Variants in PALMD observed in about 807,000 individuals in gnomAD.
PALMD encodes palmdelphin, also known as paralemmin-like protein.
PALMD carries 42 observed loss-of-function variants against 56.2 expected under a neutral mutation model. The ratio of observed to expected loss-of-function variants is 0.75; its 90% CI spans 0.58 to 0.97. PALMD has a LOEUF of 0.97. PALMD is among the 50% of genes least tolerant of loss of function. The pLI, the probability that PALMD is intolerant of heterozygous loss-of-function variation, is 0.00. For missense variants in PALMD, 660 were observed against 643.8 expected (o/e 1.03, Z -0.27); for synonymous variants, 242 against 222.9 (o/e 1.09, Z -0.76).
chr1:99,680,932 A>T (rs1486946753), intron 3 of PALMD, among the ~76,000 whole-genome samples: 1 of 151,994 alleles, frequency 6.6e-6, no homozygotes, highest in East Asian at 1.9e-4. Flanking sequence ...CCAAGACAAA[A>T]AATTGCATGT....
chr1:99,676,040 G>A (rs373696708), intron 3 of PALMD, among the ~76,000 whole-genome samples: 5 of 152,290 alleles, frequency 3.3e-5, no homozygotes, highest in South Asian at 2.1e-4. Context: ...TTGTTTTAAT[G>A]TCATTGTTCC....
At chr1:99,692,799 C>T (rs1471766870) in intron 7 of PALMD, among the ~76,000 whole-genome samples, 1 of 152,160 alleles carries the variant, frequency 6.6e-6, no homozygotes, top group Non-Finnish European at 1.5e-5. Context: ...TGCCTTCTGC[C>T]TTCTGTTCAC....
intron 3 of PALMD, among the ~76,000 whole-genome samples, chr1:99,683,090 GAAAGAAAGAAAGAAAGAA>G (rs1426071841): frequency 2.6e-3 from 84 of 32,362 alleles, no homozygotes; most frequent in South Asian, 5.0e-3. Flanking sequence ...GAGAGAGAGA[GAAAGAAAGAAAGAAAGAA>G]AGAAAGAAAG....
chr1:99,693,197 T>C (rs1370067123), intron 7 of PALMD, among the ~76,000 whole-genome samples: 2 of 152,198 alleles, frequency 1.3e-5, no homozygotes, highest in Admixed American at 1.3e-4. Context: ...TAGCTTGTTC[T>C]TGGGCCATAT....
At chr1:99,660,141 G>A (rs1373065353) in intron 1 of PALMD, among the ~76,000 whole-genome samples, 1 of 152,222 alleles carries the variant, frequency 6.6e-6, no homozygotes, top group Admixed American at 6.5e-5. Flanking sequence ...CTAAAAATGT[G>A]CTCCCTGCTA....
At chr1:99,661,589 G>A (rs1166486987) in intron 1 of PALMD, among the ~76,000 whole-genome samples, 1 of 152,202 alleles carries the variant, frequency 6.6e-6, no homozygotes, top group African/African-American at 2.4e-5. Flanking sequence ...CACAGAGCTA[G>A]TAAGTGGAGG....
At chr1:99,688,615 G>T (rs114717474) in intron 6 of PALMD, among the ~76,000 whole-genome samples, 160 bp from the exon 7 acceptor site, 12 of 152,002 alleles carry the variant, frequency 7.9e-5, no homozygotes, top group Non-Finnish European at 2.9e-5. Flanking sequence ...AGTTGGTCAT[G>T]ATATCATTAA....
intron 2 of PALMD, among the ~76,000 whole-genome samples, chr1:99,662,753 A>T (rs1652874023): frequency 6.6e-6 from 1 of 152,186 alleles, no homozygotes; most frequent in Non-Finnish European, 1.5e-5. Context: ...GCCTTTTGAA[A>T]TCAATGAAAG....
In PALMD at chr1:99,688,801, G is replaced by A. The variant is rs761785531; in HGVS notation, c.541G>A (p.Glu181Lys). 6.3e-7 allele frequency: 1 copy of A among 1,599,754 alleles called. No individual in the cohort carries two copies. The change falls in exon 7 of 8, where the codon GAA becomes AAA. Residue 181 changes from glutamate to lysine, a missense_variant. Glu to Lys is a moderately conservative substitution (Grantham distance 56). Coordinates refer to ENST00000263174, the MANE Select transcript of PALMD (RefSeq NM_017734.5). ...TTTATATGCCATGGAAATTAAAGTT[G>A]AAAAAGACTTGAAGACTGGAGAAAG... ...KALYAMEIKV[E>K]KDLKTGESTV...
Position 99,649,076 on chromosome 1 carries a change from G to A in PALMD, c.45+2714G>A, listed in dbSNP as rs560196875. Among the ~76,000 whole-genome samples the A allele has an allele frequency of 3.9e-5, 6 of 152,236 alleles. No individual in the cohort carries two copies. The East Asian group carries it at 9.6e-4, about 24-fold the overall frequency. The stretch of plus-strand genomic sequence containing the variant: ...AATAAGAGCAAAATTATGAAAGTAT[G>A]CAGAAACAATTGTTCAAGGGTAGAT... On this transcript the variant is annotated intron_variant, in intron 1 of 7. Transcript: ENST00000263174.
At chr1:99,677,547 C>T (rs777415672) in intron 3 of PALMD, among the ~76,000 whole-genome samples, 14 of 152,142 alleles carry the variant, frequency 9.2e-5, no homozygotes, top group East Asian at 1.9e-4. Context: ...AGCTCACTAC[C>T]TCATCTGCAT....
At chr1:99,682,735 CG>C (rs1653370264) in intron 3 of PALMD, among the ~76,000 whole-genome samples, 1 of 151,782 alleles carries the variant, frequency 6.6e-6, no homozygotes, top group African/African-American at 2.4e-5. Flanking sequence ...CTGAAGTCAT[CG>C]GGCTCATGCC....
intron 3 of PALMD, among the ~76,000 whole-genome samples, chr1:99,679,508 T>C (rs1447793739): frequency 6.6e-6 from 1 of 152,136 alleles, no homozygotes; most frequent in African/African-American, 2.4e-5. Context: ...ACTAACCCAC[T>C]GAGCAGAAAA....
intron 2 of PALMD, among the ~76,000 whole-genome samples, chr1:99,662,788 G>A (rs1452889023): frequency 6.6e-6 from 1 of 152,168 alleles, no homozygotes; most frequent in Non-Finnish European, 1.5e-5. Flanking sequence ...CGGGGGTGCA[G>A]AACAGTGTCT....
intron 2 of PALMD, chr1:99,667,433 T>C (rs1652990678): frequency 3.8e-6 from 2 of 528,262 alleles, no homozygotes; most frequent in East Asian, 3.2e-5. Context: ...GAAGTATAAA[T>C]GGGATTTAGA....
Position 99,688,807 on chromosome 1 carries a change from G to C in PALMD, c.547G>C (p.Asp183His). The C allele has an allele frequency of 6.2e-7, 1 of 1,605,270 alleles. No individual in the cohort carries two copies. The highest frequency in any genetic ancestry group is 8.5e-7 in the Non-Finnish European group (1 of 1,175,448). The stretch of plus-strand genomic sequence containing the variant: ...TGCCATGGAAATTAAAGTTGAAAAA[G>C]ACTTGAAGACTGGAGAAAGTACAGT... ...LYAMEIKVEKDLKTGESTVLS... is the reference protein window; with the variant it reads ...LYAMEIKVEKHLKTGESTVLS... The change falls in exon 7 of 8, where the codon GAC becomes CAC. Residue 183 changes from aspartate (D) to histidine (H), a missense_variant. Asp to His is a moderately conservative substitution (Grantham distance 81). Coordinates refer to ENST00000263174, the MANE Select transcript of PALMD (RefSeq NM_017734.5).
intron 1 of PALMD, among the ~76,000 whole-genome samples, chr1:99,649,627 G>A (rs1184515341): frequency 6.6e-6 from 1 of 152,074 alleles, no homozygotes; most frequent in Non-Finnish European, 1.5e-5. Context: ...ATTCCCTTAG[G>A]ATGAGTAACA....
At chr1:99,647,090 T>G (rs1046163116) in intron 1 of PALMD, among the ~76,000 whole-genome samples, 6 of 152,186 alleles carry the variant, frequency 3.9e-5, no homozygotes, top group African/African-American at 1.2e-4. Context: ...AGAAATAAAT[T>G]ACTTTTCTTA....
At chr1:99,686,065 C>T (rs747525993) in intron 3 of PALMD, 17 of 152,176 alleles carry the variant, frequency 1.1e-4, no homozygotes, top group African/African-American at 3.6e-4. Context: ...CTATAAACAG[C>T]AGCAGTTGAA....
Sources: allele counts gnomAD v4.1 joint callset (sites outside exome capture counted in the v4.1 genomes callset), GRCh38; gene constraint gnomAD v4.1.1; transcripts MANE v1.5; gene names NCBI Gene and HGNC (gene_info 2026-07-23, HGNC 2026-07-21).